IMMP2L: variants seen among roughly 807,000 people sequenced by gnomAD.
The protein encoded by IMMP2L is mitochondrial inner membrane protease subunit 2.
A neutral mutation model predicts 19.3 loss-of-function variants in IMMP2L; 18 were observed. That is an observed-to-expected ratio of 0.93 (90% CI 0.64 to 1.38). The LOEUF (loss-of-function observed/expected upper bound fraction) is 1.38, where lower values mean the gene tolerates loss of function less well. IMMP2L is among the 40% of genes most tolerant of loss of function. The pLI is 0.00. For missense variants in IMMP2L, 233 were observed against 218.2 expected, an observed-to-expected ratio of 1.07 and a Z score of -0.43; for synonymous variants, 76 against 73.0, an observed-to-expected ratio of 1.04 and a Z score of -0.21.
intron 5 of IMMP2L, among the ~76,000 whole-genome samples, chr7:110,818,999 T>C (rs547459099): frequency 6.0e-5 from 9 of 149,744 alleles, no homozygotes; most frequent in South Asian, 2.2e-4. Context: ...TTAGGAGATA[T>C]ACCTAATGTA....
rs575857707 is a variant in IMMP2L, at chr7:111,157,475, C to T, written c.240-193910G>A. The stretch of plus-strand genomic sequence containing the variant: ...TATGTTAAGTGAAATAAACTAGGCA[C>T]GAAAAGACAAACTTCACATGTTCTT... On this transcript the variant is annotated intron_variant, in intron 3 of 5. Coordinates refer to ENST00000405709, the MANE Select transcript of IMMP2L (RefSeq NM_032549.4). Among the ~76,000 whole-genome samples, 37 of 151,938 alleles carry T rather than the reference C, an allele frequency of 2.4e-4. 1 individual carries two copies. In the South Asian group the frequency reaches 2.7e-3, roughly 11 times the overall value.
intron 3 of IMMP2L, among the ~76,000 whole-genome samples, chr7:111,134,957 A>G (rs1275882881): frequency 6.6e-6 from 1 of 152,142 alleles, no homozygotes; most frequent in Non-Finnish European, 1.5e-5. Context: ...GTAGCCTCTT[A>G]AACAAAATAT....
intron 3 of IMMP2L, among the ~76,000 whole-genome samples, chr7:111,283,592 A>T (rs970792893): frequency 4.6e-5 from 7 of 152,084 alleles, no homozygotes; most frequent in Non-Finnish European, 8.8e-5. Context: ...AAAAGAGGTT[A>T]GGGCCAGATT....
At chr7:111,505,746 C>T (rs922725384) in intron 2 of IMMP2L, among the ~76,000 whole-genome samples, 1 of 151,832 alleles carries the variant, frequency 6.6e-6, no homozygotes, top group Non-Finnish European at 1.5e-5. Context: ...CACATGTTCT[C>T]ACTCATAGGT....
intron 5 of IMMP2L, among the ~76,000 whole-genome samples, chr7:110,882,773 G>GT (rs72028708): frequency 0.036 from 5,107 of 143,660 alleles, 107 homozygotes; most frequent in Middle Eastern, 0.051. Context: ...TTTTTCTTTT[G>GT]TTTTTTTTTT....
In IMMP2L at chr7:110,803,343, C is replaced by A. The variant is rs909928440; in HGVS notation, c.408+83250G>T. 7.2e-5 allele frequency among the ~76,000 whole-genome samples: 11 copies of A among 152,052 alleles called. No individual in the cohort carries two copies. The South Asian group carries it at 2.3e-3, about 32-fold the overall frequency. On this transcript the variant is annotated intron_variant, in intron 5 of 5. Coordinates refer to ENST00000405709, the MANE Select transcript of IMMP2L (RefSeq NM_032549.4). The surrounding 1 kb of genome is among the most constrained non-coding windows in gnomAD (Gnocchi z 4.2). ...GATGTCCACTTTGAATATCATCAAA[C>A]TGCAGAACCTGGACTCAATTTGATC...
intron 4 of IMMP2L, among the ~76,000 whole-genome samples, chr7:110,926,638 T>A (rs1814889342): frequency 6.6e-6 from 1 of 152,176 alleles, no homozygotes; most frequent in African/African-American, 2.4e-5. Context: ...TTTGCTTATA[T>A]TCTTTTTAGT....
chr7:111,445,341 C>T (rs746349547), intron 3 of IMMP2L, among the ~76,000 whole-genome samples: 10 of 152,012 alleles, frequency 6.6e-5, no homozygotes, highest in Non-Finnish European at 1.2e-4. Context: ...CAGAAAACAT[C>T]TTACCATCTT....
chr7:111,215,505 A>T (rs1418222746), intron 3 of IMMP2L, among the ~76,000 whole-genome samples: 1 of 152,148 alleles, frequency 6.6e-6, no homozygotes, highest in Non-Finnish European at 1.5e-5. Context: ...AATTTACTAC[A>T]CATAACAGGC....
chr7:111,440,156 G>A (rs1335672931), intron 3 of IMMP2L, among the ~76,000 whole-genome samples: 1 of 151,734 alleles, frequency 6.6e-6, no homozygotes, highest in African/African-American at 2.4e-5. Flanking sequence ...CCAAACTGCT[G>A]TTCATGTTGG....
intron 4 of IMMP2L, among the ~76,000 whole-genome samples, chr7:110,905,165 T>G (rs879630634): frequency 6.6e-6 from 1 of 152,046 alleles, no homozygotes. Context: ...GACCATAATA[T>G]GTAAAAAATA....
intron 3 of IMMP2L, among the ~76,000 whole-genome samples, chr7:111,212,278 C>T (rs1562931727): frequency 6.6e-6 from 1 of 151,940 alleles, no homozygotes; most frequent in Admixed American, 6.6e-5. Context: ...CATAGATTTT[C>T]CTTTAAAGAG....
At chr7:111,539,120 A>AAAAAG (rs375415286) in intron 1 of IMMP2L, among the ~76,000 whole-genome samples, 33 of 140,730 alleles carry the variant, frequency 2.3e-4, no homozygotes, top group African/African-American at 3.1e-4. Flanking sequence ...TCCATCTCAC[A>AAAAAG]AAAAGAAAAG....
intron 3 of IMMP2L, among the ~76,000 whole-genome samples, chr7:111,119,587 T>A (rs1800335199): frequency 6.6e-6 from 1 of 152,236 alleles, no homozygotes; most frequent in Non-Finnish European, 1.5e-5. Context: ...ACAAATTTGA[T>A]GTTAGTAAAT....
At chr7:111,500,726 C>T (rs923077025) in intron 2 of IMMP2L, among the ~76,000 whole-genome samples, 2 of 152,144 alleles carry the variant, frequency 1.3e-5, no homozygotes, top group South Asian at 2.1e-4. Flanking sequence ...CTGGAGTGGA[C>T]ATCTAGCAAA....
chr7:110,937,979 G>A (rs1184401799), intron 4 of IMMP2L, among the ~76,000 whole-genome samples: 1 of 152,080 alleles, frequency 6.6e-6, no homozygotes, highest in African/African-American at 2.4e-5. Context: ...TGTTCCCTGA[G>A]TGGCCTTTTT....
intron 3 of IMMP2L, among the ~76,000 whole-genome samples, chr7:111,093,400 C>T (rs527639517): frequency 9.9e-5 from 15 of 152,254 alleles, no homozygotes; most frequent in Admixed American, 8.5e-4. Context: ...GAGGTACCTC[C>T]TAAGTTCCTA....
intron 3 of IMMP2L, among the ~76,000 whole-genome samples, chr7:111,329,259 G>A (rs981850307): frequency 6.6e-6 from 1 of 151,464 alleles, no homozygotes; most frequent in South Asian, 2.1e-4. Flanking sequence ...AAAAGAAACA[G>A]AAACAGGAAG....
intron 3 of IMMP2L, among the ~76,000 whole-genome samples, chr7:111,025,354 G>A (rs1826700756): frequency 6.6e-6 from 1 of 152,082 alleles, no homozygotes; most frequent in African/African-American, 2.4e-5. Context: ...AAATCCTAGA[G>A]TTTTACACCA....
Sources: gnomAD v4.1 joint callset for allele counts (sites outside exome capture counted in the v4.1 genomes callset) on GRCh38, gnomAD v4.1.1 for gene constraint, Gnocchi (gnomAD v3.1) non-coding constraint, MANE v1.5 for transcripts, NCBI Gene and HGNC (gene_info 2026-07-23, HGNC 2026-07-21) for gene names.